The following DTNB variants were observed in gnomAD, a reference collection of about 807,000 sequenced individuals.
The protein encoded by DTNB is DTN-B.
Under a neutral mutation model 90.7 loss-of-function variants are expected in DTNB, and 63 were observed. The ratio of observed to expected loss-of-function variants is 0.69; its 90% confidence interval spans 0.57 to 0.86. DTNB has a LOEUF of 0.86. Among genes scored for constraint, DTNB ranks in the 40% least tolerant of loss-of-function variants. The pLI is 0.00. For missense variants in DTNB, 744 were observed against 807.1 expected (o/e 0.92, Z 0.95); for synonymous variants, 277 against 286.7 (o/e 0.97, Z 0.34).
chr2:25,496,596 C>T (rs1218424003), intron 9 of DTNB, among the ~76,000 whole-genome samples: 6 of 152,152 alleles, frequency 3.9e-5, no homozygotes, highest in Non-Finnish European at 8.8e-5. Flanking sequence ...GTAATCTCAG[C>T]ACTTTGGGAG....
chr2:25,470,143 A>C (rs746546812), intron 10 of DTNB, among the ~76,000 whole-genome samples: 5 of 152,124 alleles, frequency 3.3e-5, no homozygotes, highest in Non-Finnish European at 4.4e-5. Context: ...CAATTCTCTG[A>C]CTCTGGAAAG....
At chr2:25,650,224 T>C (rs1559385637) in intron 2 of DTNB, 1 of 985,478 alleles carries the variant, frequency 1.0e-6, no homozygotes, top group Non-Finnish European at 1.2e-6. Context: ...ACTGTGTTTG[T>C]GTATTTGGTT....
chr2:25,383,616 C>G (rs889571005), intron 19 of DTNB: 1 of 911,084 alleles, frequency 1.1e-6, no homozygotes, highest in African/African-American at 1.7e-5. Flanking sequence ...ACTACCTATC[C>G]CAGGATCAGG....
At chr2:25,583,525 T>C (rs2061879938) in intron 6 of DTNB, among the ~76,000 whole-genome samples, 1 of 151,870 alleles carries the variant, frequency 6.6e-6, no homozygotes. Flanking sequence ...TTTTTGTTGT[T>C]GTTGTTTTTT....
intron 2 of DTNB, among the ~76,000 whole-genome samples, chr2:25,650,912 G>C (rs1406397273): frequency 7.2e-5 from 11 of 151,802 alleles, no homozygotes; most frequent in Non-Finnish European, 1.5e-4. Context: ...AGTCAGCCGA[G>C]ATGGCGCCAC....
intron 10 of DTNB, among the ~76,000 whole-genome samples, chr2:25,475,352 G>A (rs559619855): frequency 3.9e-5 from 6 of 152,314 alleles, no homozygotes; most frequent in African/African-American, 1.2e-4. Flanking sequence ...ATTCCCTTAA[G>A]CCAAAGTCTC....
At position 25,433,921 on chromosome 2, in the gene DTNB, T is replaced by C; in HGVS notation, c.1332A>G (p.Glu444=). Residue 444 remains glutamate (E), a synonymous_variant, in exon 13 of 21, where the codon GAA becomes GAG. Transcript: ENST00000406818. ...KQQRQLIAEL[E]NKNREILQEI... ...CTCTGCGTTCTTACCTGTTTTTGTT[T>C]TCCAGTTCTGCAATAAGCTGTCTTT... is the stretch of plus-strand genomic sequence containing the variant. 6.2e-7 allele frequency: 1 copy of C among 1,613,900 alleles called. No individual in the cohort carries two copies.
chr2:25,645,263 A>T (rs1043340928), intron 2 of DTNB, among the ~76,000 whole-genome samples: 2 of 151,716 alleles, frequency 1.3e-5, no homozygotes, highest in African/African-American at 2.4e-5. Flanking sequence ...CACGCCTGTA[A>T]TCCCAGCTAC....
intron 16 of DTNB, among the ~76,000 whole-genome samples, chr2:25,398,996 G>A (rs2043034669): frequency 6.6e-6 from 1 of 152,200 alleles, no homozygotes; most frequent in African/African-American, 2.4e-5. Context: ...AAAAGAGCAG[G>A]AAAAGTGCTG....
chr2:25,435,423 C>T (rs1207529189), intron 12 of DTNB, among the ~76,000 whole-genome samples: 1 of 152,234 alleles, frequency 6.6e-6, no homozygotes, highest in Non-Finnish European at 1.5e-5. Flanking sequence ...TTCCCTCGCC[C>T]TTGACCTCCA....
chr2:25,497,391 C>T (rs148091938), intron 9 of DTNB: 243 of 152,308 alleles, frequency 1.6e-3, no homozygotes, highest in African/African-American at 5.4e-3. Flanking sequence ...AGGAGCACTC[C>T]CACCTCCTCT....
At chr2:25,506,879 C>T (rs2150630273) in intron 9 of DTNB, among the ~76,000 whole-genome samples, 1 of 152,182 alleles carries the variant, frequency 6.6e-6, no homozygotes, top group South Asian at 2.1e-4. Context: ...ACCAAAGAAT[C>T]ATTATCATAC....
chr2:25,547,982 A>G (rs1161203297), intron 8 of DTNB, among the ~76,000 whole-genome samples: 1 of 152,238 alleles, frequency 6.6e-6, no homozygotes, highest in Non-Finnish European at 1.5e-5. Flanking sequence ...TAATTACAGA[A>G]AGCAAAACTG....
At chr2:25,536,522 C>T (rs149362330) in intron 8 of DTNB, among the ~76,000 whole-genome samples, 6,288 of 152,228 alleles carry the variant, frequency 0.041, 294 homozygotes, top group African/African-American at 0.11. Context: ...GTCAACACGG[C>T]GAAACCCCGT....
chr2:25,592,431 T>C (rs948408411), intron 6 of DTNB, among the ~76,000 whole-genome samples: 6 of 152,200 alleles, frequency 3.9e-5, no homozygotes, highest in Non-Finnish European at 8.8e-5. Flanking sequence ...TCTTTACCAG[T>C]ATTCGAAGTC....
intron 3 of DTNB, among the ~76,000 whole-genome samples, chr2:25,634,440 T>C (rs1573791767): frequency 7.1e-6 from 1 of 140,306 alleles, no homozygotes. Context: ...GGTGGGGGGG[T>C]CAGCCCCCCG....
At chr2:25,662,676 AC>A (rs1310092044) in intron 1 of DTNB, among the ~76,000 whole-genome samples, 3,931 of 83,852 alleles carry the variant, frequency 0.047, 64 homozygotes, top group South Asian at 0.07. Flanking sequence ...ACACACACAC[AC>A]ACAAACACAC....
intron 15 of DTNB, among the ~76,000 whole-genome samples, chr2:25,419,954 C>T (rs556425823): frequency 6.6e-6 from 1 of 152,252 alleles, no homozygotes; most frequent in African/African-American, 2.4e-5. Flanking sequence ...TGTTTAGGTA[C>T]ATTTATCGAG....
At chr2:25,656,807 A>T (rs1034829971) in intron 1 of DTNB, among the ~76,000 whole-genome samples, 3 of 152,212 alleles carry the variant, frequency 2.0e-5, no homozygotes, top group Non-Finnish European at 4.4e-5. Context: ...TTAAAGAACC[A>T]GAACACATCT....
Sources: gnomAD v4.1 joint callset for allele counts (sites outside exome capture counted in the v4.1 genomes callset) on GRCh38, gnomAD v4.1.1 for gene constraint, MANE v1.5 for transcripts, NCBI Gene and HGNC (gene_info 2026-07-23, HGNC 2026-07-21) for gene names.